The following PELI2 variants were observed in gnomAD, a reference collection of about 807,000 sequenced individuals.
PELI2 encodes the protein pellino E3 ubiquitin protein ligase family member 2.
PELI2 carries 23 observed loss-of-function variants against 42.3 expected under a neutral mutation model. That is an observed-to-expected ratio of 0.54 (90% CI 0.39 to 0.77). The LOEUF is 0.77. Ranked by LOEUF, PELI2 falls within the 30% of genes least tolerant of loss-of-function variation. The pLI, the probability that PELI2 is intolerant of heterozygous loss-of-function variation, is 0.00. For synonymous variants in PELI2, 245 were observed against 212.2 expected, an observed-to-expected ratio of 1.15 and a Z score of -1.34; for missense variants, 463 against 553.2, an observed-to-expected ratio of 0.84 and a Z score of 1.64.
chr14:56,227,866 C>T (rs1048778811), intron 2 of PELI2, among the ~76,000 whole-genome samples: 3 of 152,204 alleles, frequency 2.0e-5, no homozygotes, highest in Non-Finnish European at 4.4e-5. Flanking sequence ...GGCTCATAAG[C>T]CAGATTGAAG....
At position 56,224,985 on chromosome 14, in the gene PELI2, G is replaced by A. The variant is rs569663445; in HGVS notation, c.207+46521G>A. On this transcript the variant is annotated intron_variant, in intron 2 of 5. Coordinates refer to ENST00000267460, the MANE Select transcript of PELI2 (RefSeq NM_021255.3). ...ATTACTAAGTGGTTTCTCCCCCAGT[G>A]CTCTGCCTCATTTGAAGTTCTTGGT... Among the ~76,000 whole-genome samples the A allele has an allele frequency of 5.9e-5, 9 of 152,182 alleles. No individual in the cohort carries two copies. The East Asian group carries it at 1.7e-3, about 29-fold the overall frequency.
chr14:56,131,486 A>G (rs953134732), intron 1 of PELI2, among the ~76,000 whole-genome samples: 5 of 152,238 alleles, frequency 3.3e-5, no homozygotes, highest in Admixed American at 1.3e-4. Context: ...ATTAGATGTT[A>G]TATGGGAAAA....
intron 1 of PELI2, among the ~76,000 whole-genome samples, chr14:56,168,607 C>T: frequency 6.6e-6 from 1 of 151,976 alleles, no homozygotes; most frequent in East Asian, 1.9e-4. Flanking sequence ...CCAGAAATGC[C>T]ATCCAAGAGT....
chr14:56,256,924 A>G (rs1888546433), intron 2 of PELI2, among the ~76,000 whole-genome samples: 1 of 152,170 alleles, frequency 6.6e-6, no homozygotes. Context: ...CAGCTGTCTA[A>G]CTAGCTAGGT....
At chr14:56,132,531 G>C in intron 1 of PELI2, among the ~76,000 whole-genome samples, 1 of 152,142 alleles carries the variant, frequency 6.6e-6, no homozygotes, top group Admixed American at 6.5e-5. Flanking sequence ...CCCCCGCCCT[G>C]CTGCTTGATG....
Position 56,125,344 on chromosome 14 carries a change from A to C in PELI2, c.77+6607A>C, listed in dbSNP as rs920509288. On this transcript the variant is annotated intron_variant, in intron 1 of 5. Coordinates refer to ENST00000267460, the MANE Select transcript of PELI2 (RefSeq NM_021255.3). ...AGGTGAGCAAGCAAAGGAGTAGATA[A>C]AAAATGGAACTTCAGAGACTGCTGG... is the stretch of plus-strand genomic sequence containing the variant. 1.1e-3 allele frequency among the ~76,000 whole-genome samples: 174 copies of C among 151,822 alleles called. 3 individuals are homozygous for C. The highest frequency in any genetic ancestry group is 4.6e-4 in the Admixed American group (7 of 15,254).
chr14:56,200,053 A>G (rs972851794), intron 2 of PELI2, among the ~76,000 whole-genome samples: 5 of 152,256 alleles, frequency 3.3e-5, no homozygotes, highest in African/African-American at 1.2e-4. Context: ...GAGTTCTTAC[A>G]ATACAGGGAG....
At chr14:56,256,438 C>T (rs569408492) in intron 2 of PELI2, among the ~76,000 whole-genome samples, 3 of 151,466 alleles carry the variant, frequency 2.0e-5, no homozygotes, top group African/African-American at 7.3e-5. Flanking sequence ...GGGCAAAGAT[C>T]GAGACCCTGT....
chr14:56,211,892 C>T (rs936697597), intron 2 of PELI2, among the ~76,000 whole-genome samples: 4 of 152,006 alleles, frequency 2.6e-5, no homozygotes, highest in African/African-American at 4.8e-5. Context: ...AAGATCCATA[C>T]AGACGCATGC....
intron 2 of PELI2, among the ~76,000 whole-genome samples, chr14:56,276,529 A>G (rs1209272625): frequency 2.0e-5 from 3 of 152,128 alleles, no homozygotes; most frequent in East Asian, 3.8e-4. Flanking sequence ...TACCAGAGGG[A>G]AATCCTTGCC....
intron 2 of PELI2, among the ~76,000 whole-genome samples, chr14:56,233,952 A>T (rs981833551): frequency 1.3e-5 from 2 of 152,240 alleles, no homozygotes; most frequent in South Asian, 4.1e-4. Context: ...ACATGAACAG[A>T]TACTTCTCAA....
At chr14:56,133,429 G>C (rs1348065623) in intron 1 of PELI2, among the ~76,000 whole-genome samples, 1 of 152,156 alleles carries the variant, frequency 6.6e-6, no homozygotes, top group Admixed American at 6.5e-5. Context: ...TGTCCTCTGA[G>C]AGCTTTAGAA....
At chr14:56,230,988 A>G (rs1255199379) in intron 2 of PELI2, among the ~76,000 whole-genome samples, 1 of 152,228 alleles carries the variant, frequency 6.6e-6, no homozygotes, top group Non-Finnish European at 1.5e-5. Context: ...CTTTAAACCA[A>G]CAGATCAAAA....
chr14:56,142,973 T>G (rs1262971346), intron 1 of PELI2, among the ~76,000 whole-genome samples: 2 of 152,230 alleles, frequency 1.3e-5, no homozygotes, highest in East Asian at 3.8e-4. Context: ...TTATGGAACC[T>G]GGAAATTAGC....
chr14:56,162,978 T>A lies in PELI2; in HGVS notation c.78-15357T>A, dbSNP rs141775282. ...TTTTTTTTTGTTTGAGCTCCTTATA[T>A]ATTCTGGTTATTAATCCCTTGTCAA... On this transcript the variant is annotated intron_variant, in intron 1 of 5. Coordinates refer to ENST00000267460, the MANE Select transcript of PELI2 (RefSeq NM_021255.3). 5.9e-3 allele frequency among the ~76,000 whole-genome samples: 902 copies of A among 152,292 alleles called. 5 individuals carry two copies. The highest frequency in any genetic ancestry group is 0.017 in the Middle Eastern group (5 of 294).
chr14:56,226,577 G>A (rs959805190), intron 2 of PELI2, among the ~76,000 whole-genome samples: 3 of 152,220 alleles, frequency 2.0e-5, no homozygotes, highest in Admixed American at 6.5e-5. Context: ...TGATGGGCAT[G>A]TGTTTGCACA....
chr14:56,198,010 A>ACACACCCCCC lies in PELI2; in HGVS notation c.207+19549_207+19550insACCCCCCCAC, dbSNP rs772024884. Among the ~76,000 whole-genome samples the ACACACCCCCC allele has an allele frequency of 3.5e-5, 4 of 114,714 alleles. No homozygotes were observed. The East Asian group carries it at 8.7e-4, about 25-fold the overall frequency. The allele number at this position is 114,714 out of a possible 152,430, so 75.3% of individuals were successfully genotyped here. ...CACACACACACACACACACACACACACACCCACCTCTTTGGTCCACTTCTC... is the reference window on the plus strand; with the variant it reads ...CACACACACACACACACACACACACACACACCCCCCCACCCACCTCTTTGGTCCACTTCTC... On this transcript the variant is annotated intron_variant, in intron 2 of 5. Transcript: ENST00000267460.
At chr14:56,171,639 A>G (rs529121625) in intron 1 of PELI2, among the ~76,000 whole-genome samples, 21 of 152,342 alleles carry the variant, frequency 1.4e-4, no homozygotes, top group Admixed American at 5.9e-4. Context: ...TAGGAGGCAG[A>G]TGGGCCAGAT....
At chr14:56,227,050 A>G (rs1594659110) in intron 2 of PELI2, among the ~76,000 whole-genome samples, 2 of 152,242 alleles carry the variant, frequency 1.3e-5, no homozygotes, top group African/African-American at 4.8e-5. Flanking sequence ...TGTGTCTATT[A>G]TACAAAATGA....
Sources: gnomAD v4.1 joint callset for allele counts (sites outside exome capture counted in the v4.1 genomes callset) on GRCh38, gnomAD v4.1.1 for gene constraint, MANE v1.5 for transcripts, NCBI Gene and HGNC (gene_info 2026-07-23, HGNC 2026-07-21) for gene names.